SHTN1: variants seen among roughly 807,000 people sequenced by gnomAD.
SHTN1 encodes the protein shootin 1.
In SHTN1, 42 loss-of-function variants were observed where a neutral mutation model predicts 83.1. The ratio of observed to expected loss-of-function variants is 0.51; its 90% CI spans 0.39 to 0.65. The LOEUF (loss-of-function observed/expected upper bound fraction) is 0.65. SHTN1 is among the 30% of genes least tolerant of loss of function. The pLI is 0.00. For synonymous variants in SHTN1, 224 were observed against 247.7 expected, an observed-to-expected ratio of 0.90 and a Z score of 0.90; for missense variants, 622 against 737.8, an observed-to-expected ratio of 0.84 and a Z score of 1.82.
chr10:116,903,680 A>C (rs1275287341), intron 15 of SHTN1, among the ~76,000 whole-genome samples: 1 of 152,160 alleles, frequency 6.6e-6, no homozygotes, highest in Non-Finnish European at 1.5e-5. Flanking sequence ...TTTGCTTCTG[A>C]TCAGCTCTAT....
At chr10:116,978,673 T>A (rs1285907896) in intron 2 of SHTN1, among the ~76,000 whole-genome samples, 1 of 151,934 alleles carries the variant, frequency 6.6e-6, no homozygotes, top group East Asian at 1.9e-4. Context: ...AAGGATATAG[T>A]TTGTAAGGTA....
intron 1 of SHTN1, among the ~76,000 whole-genome samples, chr10:117,064,378 A>T (rs1852942468): frequency 6.6e-6 from 1 of 152,246 alleles, no homozygotes; most frequent in African/African-American, 2.4e-5. Context: ...ACGTTCAGCC[A>T]GGCATGGTAG....
chr10:117,088,081 T>C (rs74940553), intron 1 of SHTN1, among the ~76,000 whole-genome samples: 2,331 of 152,320 alleles, frequency 0.015, 68 homozygotes, highest in African/African-American at 0.053. Flanking sequence ...GTATTGTTTG[T>C]TGTGAAAATA....
chr10:116,953,227 A>G (rs1259942430), intron 5 of SHTN1, among the ~76,000 whole-genome samples: 1 of 152,236 alleles, frequency 6.6e-6, no homozygotes, highest in African/African-American at 2.4e-5. Context: ...GTGTATGAGT[A>G]AAATGAATGT....
chr10:116,992,153 A>G lies in SHTN1; in HGVS notation c.59-12845T>C, dbSNP rs186611818. On this transcript the variant is annotated intron_variant, in intron 1 of 16. Transcript: ENST00000355371. ...TGAGATGCTGTCTCAAAAAACAAACAAAACAAAACGAAACAAAACAAAAAA... is the reference window on the plus strand; with the variant it reads ...TGAGATGCTGTCTCAAAAAACAAACGAAACAAAACGAAACAAAACAAAAAA... Among the ~76,000 whole-genome samples, 77 of 152,286 alleles carry G rather than the reference A, an allele frequency of 5.1e-4. 1 individual carries two copies. The highest frequency in any genetic ancestry group is 1.9e-3 in the African/African-American group (77 of 41,562).
chr10:116,990,287 CTTTTT>C (rs11399364), intron 1 of SHTN1, among the ~76,000 whole-genome samples: 5 of 119,920 alleles, frequency 4.2e-5, no homozygotes, highest in African/African-American at 1.3e-4. Context: ...TTTTTTCTTT[CTTTTT>C]TTTTTTTTTT....
chr10:117,098,396 CAAAA>C (rs11321262), intron 1 of SHTN1, among the ~76,000 whole-genome samples: 1 of 61,034 alleles, frequency 1.6e-5, no homozygotes. Flanking sequence ...CACTCCGTCT[CAAAA>C]AAAAAAAAAA....
intron 1 of SHTN1, among the ~76,000 whole-genome samples, chr10:117,110,339 TG>T (rs1179233036): frequency 6.6e-6 from 1 of 152,102 alleles, no homozygotes; most frequent in Non-Finnish European, 1.5e-5. Flanking sequence ...TGAATTGTTT[TG>T]TTTTGTTTTG....
At chr10:117,087,359 A>G (rs901655644) in intron 1 of SHTN1, among the ~76,000 whole-genome samples, 6 of 152,250 alleles carry the variant, frequency 3.9e-5, no homozygotes, top group Non-Finnish European at 7.3e-5. Context: ...TTTCACACAC[A>G]GAAAATGTTA....
intron 1 of SHTN1, among the ~76,000 whole-genome samples, chr10:116,990,841 G>A (rs1851401902): frequency 6.6e-6 from 1 of 152,042 alleles, no homozygotes. Flanking sequence ...GCTCTTGGAA[G>A]GGCGGCATCT....
intron 16 of SHTN1, among the ~76,000 whole-genome samples, chr10:116,898,713 TTTTCC>T (rs771819758): frequency 2.6e-5 from 4 of 152,160 alleles, no homozygotes; most frequent in Non-Finnish European, 4.4e-5. Flanking sequence ...CCTGATTATC[TTTTCC>T]TTTCTTTTTC....
chr10:116,973,909 G>A (rs1204178850), intron 2 of SHTN1: 2 of 1,284,006 alleles, frequency 1.6e-6, no homozygotes, highest in East Asian at 5.6e-5. Context: ...ATTTTTAATA[G>A]TAGTCGACAA....
At chr10:117,012,763 T>C (rs993064855) in intron 2 of SHTN1, among the ~76,000 whole-genome samples, 4 of 152,016 alleles carry the variant, frequency 2.6e-5, no homozygotes, top group African/African-American at 4.8e-5. Flanking sequence ...TTATGAAAGA[T>C]AAAAGAAACA....
intron 2 of SHTN1, among the ~76,000 whole-genome samples, chr10:117,027,778 G>T (rs920191869): frequency 1.8e-4 from 27 of 152,178 alleles, no homozygotes; most frequent in Admixed American, 1.8e-3. Flanking sequence ...CATTACAGGC[G>T]TGAGCCACCG....
intron 1 of SHTN1, among the ~76,000 whole-genome samples, chr10:117,078,340 A>T (rs550485117): frequency 9.9e-5 from 15 of 152,232 alleles, no homozygotes; most frequent in African/African-American, 3.6e-4. Flanking sequence ...AAAGGTGATT[A>T]CCTGCCTGGC....
chr10:117,005,262 C>T (rs2133549310), upstream of SHTN1: 1 of 1,445,158 alleles, frequency 6.9e-7, no homozygotes, highest in Non-Finnish European at 9.1e-7. Context: ...CGCACCTACT[C>T]GGCGGCTGCG....
At chr10:116,892,361 C>T (rs141435333) in intron 16 of SHTN1, among the ~76,000 whole-genome samples, 6 of 152,192 alleles carry the variant, frequency 3.9e-5, no homozygotes, top group South Asian at 4.1e-4. Context: ...GATTTCAGCT[C>T]GGCCAAAGAT....
upstream of SHTN1, chr10:117,005,210 C>G (rs1291862296): frequency 6.6e-7 from 1 of 1,516,032 alleles, no homozygotes; most frequent in Non-Finnish European, 8.8e-7. Flanking sequence ...GCTCCCGCTC[C>G]TCCTCCTCCT....
At chr10:117,007,899 TC>T, upstream of SHTN1, among the ~76,000 whole-genome samples, 1 of 151,714 alleles carries the variant, frequency 6.6e-6, no homozygotes, top group East Asian at 2.0e-4. Context: ...TCCCAGCTAC[TC>T]GGGAGGCTGA....
Sources: gnomAD v4.1 joint callset for allele counts (sites outside exome capture counted in the v4.1 genomes callset) on GRCh38, gnomAD v4.1.1 for gene constraint, MANE v1.5 for transcripts, NCBI Gene and HGNC (gene_info 2026-07-23, HGNC 2026-07-21) for gene names.